The following UIMC1 variants were observed in gnomAD, a reference collection of about 807,000 sequenced individuals.
The protein encoded by UIMC1 is BRCA1-A complex subunit RAP80.
Under a neutral mutation model 84.9 loss-of-function variants are expected in UIMC1, and 42 were observed. The observed-to-expected ratio is 0.49, with a 90% CI of 0.39 to 0.64. The LOEUF is 0.64. UIMC1 is among the 30% of genes least tolerant of loss of function. The pLI, the probability that UIMC1 is intolerant of heterozygous loss-of-function variation, is 0.00. For synonymous variants in UIMC1, 281 were observed against 293.0 expected (o/e 0.96, Z 0.42); for missense variants, 825 against 847.6 (o/e 0.97, Z 0.33).
intron 9 of UIMC1, among the ~76,000 whole-genome samples, chr5:176,950,383 C>CCA (rs1264389616): frequency 2.0e-5 from 3 of 151,358 alleles, no homozygotes; most frequent in African/African-American, 7.3e-5. Flanking sequence ...CAGGCATGAG[C>CCA]CACTGCGCCC....
chr5:176,907,381 T>C (rs1759528330), intron 12 of UIMC1: 4 of 508,670 alleles, frequency 7.9e-6, no homozygotes, highest in Non-Finnish European at 1.4e-5. Flanking sequence ...ATGCCCAGAG[T>C]ATCATGGATT....
At chr5:177,017,832 T>C (rs551562416) in intron 1 of UIMC1, among the ~76,000 whole-genome samples, 44 of 152,010 alleles carry the variant, frequency 2.9e-4, no homozygotes, top group African/African-American at 1.0e-3. Context: ...TTTTTAATTT[T>C]GTAGAGATAG....
At chr5:176,990,855 G>C (rs1424426358) in intron 1 of UIMC1, among the ~76,000 whole-genome samples, 2 of 151,618 alleles carry the variant, frequency 1.3e-5, no homozygotes, top group African/African-American at 2.4e-5. Context: ...TTTTTTTAAA[G>C]AGATGGGGGT....
chr5:177,004,970 A>G (rs1315555561), intron 1 of UIMC1, among the ~76,000 whole-genome samples: 1 of 152,186 alleles, frequency 6.6e-6, no homozygotes, highest in African/African-American at 2.4e-5. Context: ...TAGGGCAATC[A>G]GCCTCGACCT....
At chr5:177,001,030 T>C (rs1049912711) in intron 1 of UIMC1, among the ~76,000 whole-genome samples, 18 of 152,184 alleles carry the variant, frequency 1.2e-4, no homozygotes, top group African/African-American at 4.3e-4. Context: ...CATTTGTCCA[T>C]TTTTGCTTTG....
At chr5:176,975,375 A>G in intron 3 of UIMC1, 21 bp downstream of exon 3, 1 of 1,611,628 alleles carries the variant, frequency 6.2e-7, no homozygotes, top group Non-Finnish European at 8.5e-7. Context: ...CCAAACCATT[A>G]TCAACAAAAT....
chr5:176,906,428 G>A (rs973542755), intron 13 of UIMC1, among the ~76,000 whole-genome samples: 1 of 152,162 alleles, frequency 6.6e-6, no homozygotes, highest in African/African-American at 2.4e-5. Flanking sequence ...AGATTTGCTT[G>A]GTGGGAATGA....
chr5:176,970,725 C>T lies in UIMC1; in HGVS notation c.357+17G>A. 2 of 1,613,852 alleles carry T rather than the reference C, an allele frequency of 1.2e-6. No individual in the cohort carries two copies. The highest frequency in any genetic ancestry group is 1.7e-6 in the Non-Finnish European group (2 of 1,180,006). ...GCTGATCAATCTCCACAAACTTTTGCAACATGGCATATTTACATTCAGGCT... is the reference window on the plus strand; with the variant it reads ...GCTGATCAATCTCCACAAACTTTTGTAACATGGCATATTTACATTCAGGCT... On this transcript the variant is annotated intron_variant, in intron 4 of 14. Coordinates refer to ENST00000511320, the MANE Select transcript of UIMC1 (RefSeq NM_001199298.2).
At chr5:176,965,979 A>G (rs1448425740) in intron 6 of UIMC1, among the ~76,000 whole-genome samples, 1 of 152,254 alleles carries the variant, frequency 6.6e-6, no homozygotes, top group African/African-American at 2.4e-5. Context: ...AACATTTATC[A>G]TAAGCATCAT....
intron 1 of UIMC1, among the ~76,000 whole-genome samples, chr5:177,018,141 A>G (rs2149556019): frequency 6.6e-6 from 1 of 152,170 alleles, no homozygotes; most frequent in South Asian, 2.1e-4. Flanking sequence ...ACATGAGATC[A>G]GGAGTTCAAG....
At chr5:177,021,361 A>G (rs1247198706) in intron 1 of UIMC1, among the ~76,000 whole-genome samples, 1 of 152,258 alleles carries the variant, frequency 6.6e-6, no homozygotes, top group Non-Finnish European at 1.5e-5. Flanking sequence ...GGAGACAGAC[A>G]ATAAGCAAGA....
intron 1 of UIMC1, among the ~76,000 whole-genome samples, chr5:176,985,064 C>T (rs1254792450): frequency 6.6e-6 from 1 of 151,968 alleles, no homozygotes; most frequent in Non-Finnish European, 1.5e-5. Flanking sequence ...TCCCCCTCTC[C>T]AAGAAACACC....
intron 2 of UIMC1, among the ~76,000 whole-genome samples, chr5:176,977,140 T>G (rs1464231260): frequency 6.6e-6 from 1 of 151,264 alleles, no homozygotes; most frequent in African/African-American, 2.4e-5. Context: ...TGAGAATCAC[T>G]TGAACCCGGG....
At chr5:176,975,318 A>G (rs1473075970) in intron 3 of UIMC1, 78 bp downstream of exon 3, 5 of 1,412,370 alleles carry the variant, frequency 3.5e-6, no homozygotes, top group Non-Finnish European at 4.0e-6. Context: ...AGAATGCAAC[A>G]TAATCAACTA....
At position 176,950,576 on chromosome 5, in the gene UIMC1, A is replaced by G. The variant is rs115350127; in HGVS notation, c.1443+898T>C. 9.1e-3 allele frequency among the ~76,000 whole-genome samples: 1,387 copies of G among 152,152 alleles called. 8 individuals carry two copies. Among genetic ancestry groups the G allele is most frequent in the South Asian group, 0.025 (120 of 4,810 alleles). ...TGTTTTGTTAGACTCAACATTAAAA[A>G]TACATACTGAGGACCGGGCGCGGTG... On this transcript the variant is annotated intron_variant, in intron 9 of 14. Transcript: ENST00000511320.
At chr5:176,927,446 G>A (rs1380762442) in intron 10 of UIMC1, among the ~76,000 whole-genome samples, 1 of 151,902 alleles carries the variant, frequency 6.6e-6, no homozygotes, top group Non-Finnish European at 1.5e-5. Flanking sequence ...TAGAGATGGT[G>A]TTTCACCACA....
intron 2 of UIMC1, among the ~76,000 whole-genome samples, chr5:176,976,588 C>A (rs1220083837): frequency 6.6e-6 from 1 of 152,052 alleles, no homozygotes; most frequent in East Asian, 1.9e-4. Flanking sequence ...AACAGTGCCC[C>A]CACTGTGGAA....
intron 1 of UIMC1, among the ~76,000 whole-genome samples, chr5:176,998,748 T>C (rs1211835671): frequency 2.0e-5 from 3 of 151,752 alleles, no homozygotes; most frequent in African/African-American, 7.3e-5. Flanking sequence ...GCCTGGGCAA[T>C]AAGAGCAAAA....
At chr5:177,014,219 A>AT (rs1290398314) in intron 1 of UIMC1, among the ~76,000 whole-genome samples, 3 of 151,524 alleles carry the variant, frequency 2.0e-5, no homozygotes, top group African/African-American at 4.9e-5. Flanking sequence ...TGCCCGGCTG[A>AT]TTTTTTGTAT....
Sources: gnomAD v4.1 joint callset for allele counts (sites outside exome capture counted in the v4.1 genomes callset) on GRCh38, gnomAD v4.1.1 for gene constraint, MANE v1.5 for transcripts, NCBI Gene and HGNC (gene_info 2026-07-23, HGNC 2026-07-21) for gene names.